CCDC187: variants seen among roughly 807,000 people sequenced by gnomAD.
CCDC187 encodes the protein coiled-coil domain containing 187, also known as coiled-coil domain-containing protein 187.
CCDC187 carries 32 observed loss-of-function variants against 38.0 expected under a neutral mutation model. That is an observed-to-expected ratio of 0.84 (90% confidence interval 0.64 to 1.13). CCDC187 has a LOEUF of 1.13. Among genes scored for constraint, CCDC187 ranks in the 50% most tolerant of loss-of-function variants. The pLI, the probability that CCDC187 is intolerant of heterozygous loss-of-function variation, is 0.00. For synonymous variants in CCDC187, 333 were observed against 347.9 expected (o/e 0.96, Z 0.48); for missense variants, 707 against 786.8 (o/e 0.90, Z 1.21).
chr9:136,263,703 C>T lies in CCDC187; in HGVS notation c.3831G>A (p.Gly1277=), dbSNP rs1830707505. 2.1e-5 allele frequency: 21 copies of T among 985,376 alleles called. No homozygotes were observed. Among genetic ancestry groups the T allele is most frequent in the Admixed American group, 6.1e-5 (1 of 16,274 alleles). The allele number at this position is 985,376 out of a possible 1,614,324, so 61.0% of individuals were successfully genotyped here. The part of the protein sequence containing the change: ...QHQRDVVSMP[G]PVDILPIPGP... ...CCGGGATGGGGAGGATGTCCACAGGCCCCGGCATGGAGACGACGTCCCTCT... is the reference window on the plus strand; with the variant it reads ...CCGGGATGGGGAGGATGTCCACAGGTCCCGGCATGGAGACGACGTCCCTCT... Residue 1277 remains glycine, a synonymous_variant, in exon 18 of 26, where the codon GGG becomes GGA. Transcript: ENST00000638797.
In CCDC187 at chr9:136,264,634, G is replaced by A. The variant is rs572860122; in HGVS notation, c.3736-836C>T. On this transcript the variant is annotated intron_variant, in intron 17 of 25. Transcript: ENST00000638797. This position sits in a 1 kb window ranked among gnomAD's most constrained non-coding sequence, Gnocchi z 4.3. ...TGCCCCATGCCTGACACCCCAGGTC[G>A]TAGTATGTACAGGGCATCCAGGGCA... Among the ~76,000 whole-genome samples the A allele has an allele frequency of 8.6e-4, 131 of 152,256 alleles. No homozygotes were observed. The highest frequency in any genetic ancestry group is 1.7e-3 in the Admixed American group (26 of 15,286).
At chr9:136,276,589 G>A (rs1193078313) in intron 11 of CCDC187, 62 bp downstream of exon 11, 9 of 152,140 alleles carry the variant, frequency 5.9e-5, no homozygotes, top group Middle Eastern at 3.4e-3. Context: ...GGGAGACAGA[G>A]GCTGCTCCCG....
rs529493363 is a variant in CCDC187, at chr9:136,250,891, C to G, written c.*2703G>C. On this transcript the variant is annotated 3_prime_UTR_variant, in exon 26 of 26. Transcript: ENST00000638797. ...GGGGTGTCTGGAGAGGGGCTCTTGC[C>G]TCACGGCAGGGGGCCCAAAGAGGTT... 7.4e-4 allele frequency: 334 copies of G among 452,324 alleles called. 3 individuals carry two copies. Among genetic ancestry groups the G allele is most frequent in the African/African-American group, 6.5e-3 (324 of 50,110 alleles). The allele number at this position is 452,324 out of a possible 1,614,324, so 28.0% of individuals were successfully genotyped here. A position where few individuals can be genotyped will look rare whatever the true frequency, so the allele number is the denominator to read the frequency against.
upstream of CCDC187, among the ~76,000 whole-genome samples, chr9:136,304,325 C>T (rs1831764801): frequency 6.6e-6 from 1 of 152,156 alleles, no homozygotes; most frequent in South Asian, 2.1e-4. Context: ...GGGCCTAACC[C>T]CAGGTCAGGG....
rs1438370885 is a variant in CCDC187 at position 136,250,145 on chromosome 9, C to T, written c.*3449G>A. On this transcript the variant is annotated 3_prime_UTR_variant, in exon 26 of 26. Transcript: ENST00000638797. ...ATATGTCCTGTTGGGAGATTAAATGCGTTTACACCTCTGCTGAAGCGGCTT... is the reference window on the plus strand; with the variant it reads ...ATATGTCCTGTTGGGAGATTAAATGTGTTTACACCTCTGCTGAAGCGGCTT... 1 of 157,012 alleles carries T rather than the reference C, an allele frequency of 6.4e-6. No homozygotes were observed. The highest frequency in any genetic ancestry group is 1.4e-5 in the Non-Finnish European group (1 of 70,744). 9.7% of individuals were successfully genotyped at this position (157,012 alleles called of 1,614,324 possible). A position where few individuals can be genotyped will look rare whatever the true frequency, so the allele number is the denominator to read the frequency against.
At position 136,252,226 on chromosome 9, in the gene CCDC187, C is replaced by T. The variant is rs554607210; in HGVS notation, c.*1368G>A. On this transcript the variant is annotated 3_prime_UTR_variant, in exon 26 of 26. Transcript: ENST00000638797. The stretch of plus-strand genomic sequence containing the variant: ...GGCCCACCCTGGGAAGAGCCGGCCG[C>T]CCACCCAGTCCACCCCGGGAAGGTC... The T allele has an allele frequency of 8.7e-6, 1 of 114,368 alleles. No individual in the cohort carries two copies. Among genetic ancestry groups the T allele is most frequent in the Non-Finnish European group, 1.9e-5 (1 of 53,466 alleles). 7.1% of individuals were successfully genotyped at this position (114,368 alleles called of 1,614,324 possible).
rs1280849097 is a variant in CCDC187, at chr9:136,257,170, C to T, written c.4367-329G>A. Among the ~76,000 whole-genome samples, 4 of 152,056 alleles carry T rather than the reference C, an allele frequency of 2.6e-5. No homozygotes were observed. The highest frequency in any genetic ancestry group is 2.1e-4 in the South Asian group (1 of 4,826). On this transcript the variant is annotated intron_variant, in intron 22 of 25. Coordinates refer to ENST00000638797, the MANE Select transcript of CCDC187 (RefSeq NM_001378188.1). The surrounding 1 kb of genome is among the most constrained non-coding windows in gnomAD (Gnocchi z 4.5). Reference sequence around the variant, plus strand: ...CGGGCGGATCACAAGGTCAGGAGTTCGAGACCAGCCTGGCCAATGTAGTGA... The same window carrying T: ...CGGGCGGATCACAAGGTCAGGAGTTTGAGACCAGCCTGGCCAATGTAGTGA...
chr9:136,272,433 T>C (rs969464474), intron 14 of CCDC187, among the ~76,000 whole-genome samples: 1 of 151,978 alleles, frequency 6.6e-6, no homozygotes, highest in Admixed American at 6.6e-5. Context: ...CCGGGCGTGG[T>C]GGCTCACGCC....
Position 136,268,027 on chromosome 9 carries a change from C to G in CCDC187, c.3519+22G>C, listed in dbSNP as rs953726837. On this transcript the variant is annotated intron_variant, in intron 15 of 25. Transcript: ENST00000638797. ...CTGGGTCCTGAAATTGTGCCTCTCC[C>G]CCAGGGGACCTCTCCACGTACCTGG... is the stretch of plus-strand genomic sequence containing the variant. The G allele has an allele frequency of 3.0e-6, 3 of 985,314 alleles. No homozygotes were observed. The African/African-American group carries it at 5.2e-5, about 17-fold the overall frequency. The allele number at this position is 985,314 out of a possible 1,614,324, so 61.0% of individuals were successfully genotyped here. A position where few individuals can be genotyped will look rare whatever the true frequency, so the allele number is the denominator to read the frequency against.
rs118089079 is a variant in CCDC187, at chr9:136,269,047, G to A, written c.3443-922C>T. 2.2e-3 allele frequency among the ~76,000 whole-genome samples: 342 copies of A among 152,324 alleles called. 3 individuals are homozygous for A. Among genetic ancestry groups the A allele is most frequent in the Admixed American group, 4.1e-3 (63 of 15,306 alleles). On this transcript the variant is annotated intron_variant, in intron 14 of 25. Transcript: ENST00000638797. The stretch of plus-strand genomic sequence containing the variant: ...AGAGGACCTCTGAGATGTATCAAGT[G>A]TCCCTCTGGAGTATTCAGTAGAGAA...
At chr9:136,281,449 C>G (rs926229904) in intron 10 of CCDC187, 102 bp downstream of exon 10, 1 of 398,352 alleles carries the variant, frequency 2.5e-6, no homozygotes, top group Non-Finnish European at 4.4e-6. Flanking sequence ...TTCTCTACCC[C>G]GTAGGGCCAA....
In CCDC187 at chr9:136,291,293, C is replaced by T. The variant is rs1390508705; in HGVS notation, c.1320G>A (p.Arg440=). ...GCTCCCAGGTGTGGACACTCCTAGC[C>T]CTCTCTAAAGAGGAATGCTTCCTCT... is the stretch of plus-strand genomic sequence containing the variant. The part of the protein sequence containing the change: ...MTERKHSSLE[R]ARSVHTWEPW... The change falls in exon 6 of 26, where the codon AGG becomes AGA. Residue 440 remains arginine (R), a synonymous_variant. Coordinates refer to ENST00000638797, the MANE Select transcript of CCDC187 (RefSeq NM_001378188.1). 1.0e-5 allele frequency: 4 copies of T among 398,650 alleles called. No individual in the cohort carries two copies. In the Admixed American group the frequency reaches 1.3e-4, roughly 13 times the overall value. The allele number at this position is 398,650 out of a possible 1,614,324, so 24.7% of individuals were successfully genotyped here.
Position 136,274,923 on chromosome 9 carries a change from G to T in CCDC187, c.3310C>A (p.Pro1104Thr), listed in dbSNP as rs62579953. The part of the protein sequence containing the change: ...EQPPMCKDRE[P>T]TTASQSTGMA... The stretch of plus-strand genomic sequence containing the variant: ...CCTGTGCTCTGAGAGGCTGTGGTCG[G>T]CTCTCGGTCCTTGCACATCGGAGGC... The change falls in exon 13 of 26, where the codon CCG (proline) becomes ACG (threonine). Residue 1104 changes from proline (P) to threonine (T), a missense_variant. By Grantham distance (38) the Pro-to-Thr change is conservative (BLOSUM62 -1). Transcript: ENST00000638797. The T allele has an allele frequency of 0.11, 16,076 of 152,394 alleles. 1,194 individuals are homozygous for T. The highest frequency in any genetic ancestry group is 0.19 in the Admixed American group (2,902 of 15,300). The allele number at this position is 152,394 out of a possible 1,614,324, so 9.4% of individuals were successfully genotyped here.
chr9:136,286,404 G>A lies in CCDC187; in HGVS notation c.2514C>T (p.Val838=), dbSNP rs990693569. The A allele has an allele frequency of 1.5e-5, 6 of 398,566 alleles. No individual in the cohort carries two copies. Among genetic ancestry groups the A allele is most frequent in the East Asian group, 3.6e-5 (1 of 28,082 alleles). The allele number at this position is 398,566 out of a possible 1,614,324, so 24.7% of individuals were successfully genotyped here. A position where few individuals can be genotyped will look rare whatever the true frequency, so the allele number is the denominator to read the frequency against. The change falls in exon 8 of 26, where the codon GTC becomes GTT. Residue 838 remains valine, a synonymous_variant. Transcript: ENST00000638797. ...CCTGCAGCTTGGCGGTGAGGCTATC[G>A]ACCCGCTGCTTGAGGACTTTGGCTG... ...ETTAKVLKQR[V]DSLTAKLQGA...
chr9:136,259,383 G>A lies in CCDC187; in HGVS notation c.4276C>T (p.Arg1426Trp), dbSNP rs577925451. Residue 1426 changes from arginine (R) to tryptophan (W), a missense_variant, in exon 21 of 26, where the codon CGG (arginine) becomes TGG (tryptophan). Coordinates refer to ENST00000638797, the MANE Select transcript of CCDC187 (RefSeq NM_001378188.1). ...CGTACGGGAAAGGCTGGGCCCAGCC[G>A]CTGTCCGTCCGGGGGGCTCACGTGC... ...LQHVSPPDGQRLGPAFPAEEA... is the reference protein window; with the variant it reads ...LQHVSPPDGQWLGPAFPAEEA... The A allele has an allele frequency of 2.8e-4, 272 of 985,182 alleles. No individual in the cohort carries two copies. In the African/African-American group the frequency reaches 2.8e-3, roughly 10 times the overall value. 61.0% of individuals were successfully genotyped at this position (985,182 alleles called of 1,614,324 possible).
chr9:136,296,819 C>A (rs1831546927), intron 4 of CCDC187, among the ~76,000 whole-genome samples: 1 of 152,154 alleles, frequency 6.6e-6, no homozygotes, highest in African/African-American at 2.4e-5. Flanking sequence ...CCTCTGTGAC[C>A]ACTGGGATCC....
At chr9:136,284,579 A>G (rs1831127170) in intron 9 of CCDC187, among the ~76,000 whole-genome samples, 2 of 152,106 alleles carry the variant, frequency 1.3e-5, no homozygotes, top group South Asian at 4.1e-4. Context: ...AACGCCTGGC[A>G]GTATGCGGTG....
chr9:136,255,806 G>A, intron 24 of CCDC187, 73 bp from the exon 25 acceptor site: 1 of 774,100 alleles, frequency 1.3e-6, no homozygotes, highest in Non-Finnish European at 1.6e-6. Flanking sequence ...CCCACTGTCA[G>A]GGACCCCACC....
chr9:136,306,281 A>G (rs1369549646), upstream of CCDC187, among the ~76,000 whole-genome samples: 1 of 152,112 alleles, frequency 6.6e-6, no homozygotes, highest in African/African-American at 2.4e-5. Context: ...CAGACCCTGC[A>G]CCTCAGCTCC....
Sources: allele counts gnomAD v4.1 joint callset (sites outside exome capture counted in the v4.1 genomes callset), GRCh38; gene constraint gnomAD v4.1.1; non-coding constraint Gnocchi (gnomAD v3.1); transcripts MANE v1.5; gene names NCBI Gene and HGNC (gene_info 2026-07-23, HGNC 2026-07-21).